CDH3: variants seen among roughly 807,000 people sequenced by gnomAD.
CDH3 encodes the protein cadherin-3.
CDH3 carries 54 observed loss-of-function variants against 82.0 expected under a neutral mutation model. The observed-to-expected ratio is 0.66, with a 90% CI of 0.53 to 0.83. The LOEUF (loss-of-function observed/expected upper bound fraction) is 0.83. Ranked by LOEUF, CDH3 falls within the 40% of genes least tolerant of loss-of-function variation. The pLI, the probability that CDH3 is intolerant of heterozygous loss-of-function variation, is 0.00. For synonymous variants in CDH3, 446 were observed against 437.9 expected, an observed-to-expected ratio of 1.02 and a Z score of -0.23; for missense variants, 1,054 against 1,084.6, an observed-to-expected ratio of 0.97 and a Z score of 0.40.
At chr16:68,647,444 T>C (rs1354349991) in intron 2 of CDH3, among the ~76,000 whole-genome samples, 6 of 152,134 alleles carry the variant, frequency 3.9e-5, no homozygotes, top group Non-Finnish European at 4.4e-5. Context: ...GGTTGGCGAG[T>C]GTTTCCCAAT....
intron 1 of CDH3, among the ~76,000 whole-genome samples, chr16:68,719,468 G>A (rs866268909): frequency 1.1e-4 from 16 of 149,896 alleles, no homozygotes; most frequent in Admixed American, 4.7e-4. Context: ...ATCTACAAGG[G>A]CACAGGGGGA....
intron 15 of CDH3, chr16:68,696,178 T>C (rs1469399861): frequency 2.1e-6 from 1 of 484,192 alleles, no homozygotes; most frequent in South Asian, 2.0e-5. Context: ...CTGAGCACTT[T>C]GGGAGGCTGA....
At chr16:68,656,305 C>T (rs947524477) in intron 2 of CDH3, among the ~76,000 whole-genome samples, 1 of 152,176 alleles carries the variant, frequency 6.6e-6, no homozygotes, top group African/African-American at 2.4e-5. Context: ...CCACTCCCAG[C>T]AACCCTTCTC....
intron 2 of CDH3, among the ~76,000 whole-genome samples, chr16:68,723,772 A>T (rs1012016397): frequency 6.6e-6 from 1 of 151,530 alleles, no homozygotes; most frequent in Non-Finnish European, 1.5e-5. Context: ...AAAATACAAA[A>T]ATTAGCCGGG....
chr16:68,647,167 A>G (rs1179394436), intron 2 of CDH3, among the ~76,000 whole-genome samples: 1 of 152,152 alleles, frequency 6.6e-6, no homozygotes, highest in East Asian at 1.9e-4. Context: ...CCAACCTGTA[A>G]AAATGTGAAT....
At chr16:68,667,098 A>G (rs1042744487) in intron 2 of CDH3, among the ~76,000 whole-genome samples, 2 of 152,196 alleles carry the variant, frequency 1.3e-5, no homozygotes, top group Non-Finnish European at 2.9e-5. Flanking sequence ...ACTGTGACAC[A>G]GCACTTGCCC....
chr16:68,646,634 A>T (rs1960080350), intron 2 of CDH3, among the ~76,000 whole-genome samples: 1 of 150,706 alleles, frequency 6.6e-6, no homozygotes, highest in South Asian at 2.1e-4. Context: ...CCTCTAGGTT[A>T]AGAGGACAAT....
In CDH3 at chr16:68,678,277, G is replaced by A; in HGVS notation, c.390G>A (p.Gln130=). Residue 130 remains glutamine (Q), a splice_region_variant and synonymous_variant, in exon 4 of 16, where the codon CAG becomes CAA. Transcript: ENST00000264012. ...GTCCCTTCCCCCAGAGACTGAATCA[G>A]GTACGACTGTGCCTTCTCCTGGGAA... is the stretch of plus-strand genomic sequence containing the variant. ...GKGPFPQRLN[Q]LKSNKDRDTK... 1 of 1,614,136 alleles carries A rather than the reference G, an allele frequency of 6.2e-7. No individual in the cohort carries two copies. The highest frequency in any genetic ancestry group is 8.5e-7 in the Non-Finnish European group (1 of 1,180,010).
In CDH3 at chr16:68,690,034, T is replaced by G. The variant is rs115700076; in HGVS notation, c.1796-1686T>G. Among the ~76,000 whole-genome samples, 392 of 152,272 alleles carry G rather than the reference T, an allele frequency of 2.6e-3. 5 individuals carry two copies. Among genetic ancestry groups the G allele is most frequent in the African/African-American group, 9.1e-3 (377 of 41,548 alleles). On this transcript the variant is annotated intron_variant, in intron 12 of 15. Transcript: ENST00000264012. ...CCTTTCTTTAAAGAGGCCACTGATA[T>G]TATGTTCGTCACCCACACACATAGC...
At chr16:68,731,389 A>ATATAT (rs1555509182), downstream of CDH3, among the ~76,000 whole-genome samples, 1 of 8,264 alleles carries the variant, frequency 1.2e-4, no homozygotes, top group African/African-American at 6.0e-4. Context: ...AAAAAAAAAA[A>ATATAT]AAAAAAATAT....
intron 13 of CDH3, among the ~76,000 whole-genome samples, chr16:68,693,771 G>C (rs1411324352): frequency 6.6e-6 from 1 of 152,172 alleles, no homozygotes. Flanking sequence ...TAATGATCCT[G>C]AGCAGTGGTG....
intron 2 of CDH3, chr16:68,651,369 T>C (rs977863654): frequency 1.8e-6 from 1 of 554,502 alleles, no homozygotes; most frequent in African/African-American, 1.9e-5. Flanking sequence ...GGGCAGGATA[T>C]GGTTCTTGGG....
At chr16:68,648,230 C>T (rs1960134574) in intron 2 of CDH3, among the ~76,000 whole-genome samples, 2 of 152,194 alleles carry the variant, frequency 1.3e-5, no homozygotes, top group Admixed American at 1.3e-4. Flanking sequence ...TCATGAACTT[C>T]TTTGAGGGTG....
chr16:68,731,535 CACACAT>C (rs1567468054), downstream of CDH3, among the ~76,000 whole-genome samples: 2 of 56,686 alleles, frequency 3.5e-5, no homozygotes, highest in Non-Finnish European at 1.0e-4. Context: ...CACACACACA[CACACAT>C]ATATATATAT....
intron 2 of CDH3, among the ~76,000 whole-genome samples, chr16:68,662,492 G>A (rs1189873456): frequency 6.6e-6 from 1 of 151,796 alleles, no homozygotes. Context: ...TTTTTGGCTG[G>A]GTGCAGTGGC....
chr16:68,731,395 A>AAAAATATATATATAT (rs1555509187), downstream of CDH3, among the ~76,000 whole-genome samples: 1 of 5,242 alleles, frequency 1.9e-4, no homozygotes, highest in African/African-American at 9.7e-4. Flanking sequence ...AAAAAAAAAA[A>AAAAATATATATATAT]ATATATATAT....
chr16:68,667,943 TTAATTTC>T (rs1426874848), intron 2 of CDH3, among the ~76,000 whole-genome samples: 1 of 152,220 alleles, frequency 6.6e-6, no homozygotes, highest in Admixed American at 6.5e-5. Flanking sequence ...ATATTAATTG[TTAATTTC>T]TCTAGAAGCA....
intron 2 of CDH3, among the ~76,000 whole-genome samples, chr16:68,723,861 A>C (rs2152111519): frequency 6.6e-6 from 1 of 152,208 alleles, no homozygotes; most frequent in Middle Eastern, 3.4e-3. Flanking sequence ...CAAGGTCAGG[A>C]GATCGAGACC....
intron 12 of CDH3, among the ~76,000 whole-genome samples, chr16:68,690,145 G>C (rs1465995275): frequency 6.6e-6 from 1 of 152,138 alleles, no homozygotes; most frequent in Non-Finnish European, 1.5e-5. Flanking sequence ...TCTGCTCTGT[G>C]GTTAGCCTGC....
Sources: allele counts gnomAD v4.1 joint callset (sites outside exome capture counted in the v4.1 genomes callset), GRCh38; gene constraint gnomAD v4.1.1; transcripts MANE v1.5; gene names NCBI Gene and HGNC (gene_info 2026-07-23, HGNC 2026-07-21).